The following LGSN variants were observed in gnomAD, a reference collection of about 807,000 sequenced individuals.
LGSN encodes lengsin, lens protein with glutamine synthetase domain.
LGSN carries 21 observed loss-of-function variants against 19.5 expected under a neutral mutation model. The ratio of observed to expected loss-of-function variants is 1.07; its 90% CI spans 0.76 to 1.55. The LOEUF is 1.55. Among genes scored for constraint, LGSN ranks in the 40% most tolerant of loss-of-function variants. The pLI, the probability that LGSN is intolerant of heterozygous loss-of-function variation, is 0.00. For missense variants in LGSN, 673 were observed against 608.5 expected (o/e 1.11, Z -1.12); for synonymous variants, 257 against 215.6 (o/e 1.19, Z -1.68).
chr6:63,351,971 A>C, the LGSN span, among the ~76,000 whole-genome samples: 426 of 152,292 alleles, frequency 2.8e-3, 2 homozygotes, highest in Admixed American at 5.8e-3. Flanking sequence ...CCAATGTATA[A>C]AGAAAGAATT....
At chr6:63,299,811 C>T (rs1014465671) in intron 1 of LGSN, among the ~76,000 whole-genome samples, 1 of 152,070 alleles carries the variant, frequency 6.6e-6, no homozygotes, top group African/African-American at 2.4e-5. Flanking sequence ...TCAGAATTGT[C>T]AATACTAAAT....
chr6:63,480,985 A>ATG, the LGSN span, among the ~76,000 whole-genome samples: 2 of 43,846 alleles, frequency 4.6e-5, no homozygotes, highest in Non-Finnish European at 8.0e-5. Flanking sequence ...ATATATATAT[A>ATG]TACACACACA....
chr6:63,407,658 T>C, the LGSN span, among the ~76,000 whole-genome samples: 2 of 152,134 alleles, frequency 1.3e-5, no homozygotes, highest in Non-Finnish European at 2.9e-5. Context: ...CTATTCAACA[T>C]AGTGTTGGAA....
the LGSN span, among the ~76,000 whole-genome samples, chr6:63,463,777 C>A: frequency 6.6e-6 from 1 of 151,974 alleles, no homozygotes; most frequent in Non-Finnish European, 1.5e-5. Context: ...GTGTTGAAAA[C>A]CTGAAATTTA....
the LGSN span, among the ~76,000 whole-genome samples, chr6:63,531,169 A>T: frequency 6.6e-6 from 1 of 152,186 alleles, no homozygotes; most frequent in Non-Finnish European, 1.5e-5. Flanking sequence ...GTCCATCAAG[A>T]TAACTGCAAG....
At chr6:63,352,780 C>T in the LGSN span, among the ~76,000 whole-genome samples, 1 of 151,840 alleles carries the variant, frequency 6.6e-6, no homozygotes, top group Non-Finnish European at 1.5e-5. Context: ...GAATTTTGTT[C>T]CCCTCACATT....
At chr6:63,348,663 T>C in the LGSN span, among the ~76,000 whole-genome samples, 1 of 152,050 alleles carries the variant, frequency 6.6e-6, no homozygotes, top group Non-Finnish European at 1.5e-5. Context: ...TAATCTGTGT[T>C]TGGTAGGAGT....
Position 63,280,876 on chromosome 6 carries a change from A to C in LGSN, c.675T>G (p.Ser225=). 1.2e-6 allele frequency: 2 copies of C among 1,613,992 alleles called. No homozygotes were observed. Among genetic ancestry groups the C allele is most frequent in the Non-Finnish European group, 1.7e-6 (2 of 1,180,012 alleles). ...VPEILNSKII[S]FPALTFLNNH... is the part of the protein sequence containing the mutation. ...TATTTAAAAATGTTAAAGCAGGAAA[A>C]GATATAATCTTTGAATTTAAAATTT... is the stretch of plus-strand genomic sequence containing the variant. Residue 225 remains serine (S), a synonymous_variant, in exon 4 of 4, where the codon TCT becomes TCG. Transcript: ENST00000370657.
chr6:63,399,200 G>C, the LGSN span, among the ~76,000 whole-genome samples: 2 of 152,014 alleles, frequency 1.3e-5, no homozygotes, highest in Non-Finnish European at 2.9e-5. Context: ...ATTGCCTACA[G>C]TATTCAGTAC....
At chr6:63,301,045 C>T (rs764998935) in intron 1 of LGSN, among the ~76,000 whole-genome samples, 83 of 152,166 alleles carry the variant, frequency 5.5e-4, no homozygotes, top group Non-Finnish European at 1.1e-3. Context: ...AATCCTAGCA[C>T]TTTGGGAGGC....
chr6:63,321,364 CAAAGA>C (rs1341582933), upstream of LGSN, among the ~76,000 whole-genome samples: 2 of 152,064 alleles, frequency 1.3e-5, no homozygotes, highest in Non-Finnish European at 2.9e-5. Context: ...TTTCCTATAT[CAAAGA>C]AAAGAACTCC....
At chr6:63,382,750 T>C in the LGSN span, among the ~76,000 whole-genome samples, 1,964 of 152,328 alleles carry the variant, frequency 0.013, 22 homozygotes, top group Non-Finnish European at 0.019. Context: ...CTGGACTCAA[T>C]ACTTCCCAAT....
Position 63,280,811 on chromosome 6 carries a change from A to C in LGSN, c.740T>G (p.Leu247Trp), listed in dbSNP as rs1166386174. ...QPFMQELVDGLYHTGANVESF... is the reference protein window; with the variant it reads ...QPFMQELVDGWYHTGANVESF... ...CTCGACATTGGCTCCAGTGTGATAC[A>C]AGCCATCAACAAGTTCCTGCATGAA... The change falls in exon 4 of 4, where the codon TTG (leucine) becomes TGG (tryptophan). Residue 247 changes from leucine to tryptophan, a missense_variant. Leu to Trp is a moderately conservative substitution (Grantham distance 61). Transcript: ENST00000370657. The C allele has an allele frequency of 2.5e-5, 40 of 1,613,980 alleles. No homozygotes were observed. The highest frequency in any genetic ancestry group is 1.6e-4 in the Middle Eastern group (1 of 6,084).
At chr6:63,533,248 GGC>G in the LGSN span, among the ~76,000 whole-genome samples, 1 of 152,118 alleles carries the variant, frequency 6.6e-6, no homozygotes. Flanking sequence ...CAGATGTGGT[GGC>G]GCACACCTGT....
At chr6:63,451,999 G>A in the LGSN span, among the ~76,000 whole-genome samples, 13 of 148,022 alleles carry the variant, frequency 8.8e-5, no homozygotes, top group Admixed American at 7.4e-4. Flanking sequence ...AAAATACTCT[G>A]TTAAGAATTT....
the LGSN span, among the ~76,000 whole-genome samples, chr6:63,399,644 C>T: frequency 6.6e-6 from 1 of 151,968 alleles, no homozygotes; most frequent in Admixed American, 6.6e-5. Flanking sequence ...GATCCACCCG[C>T]CTCGGCCTCC....
At chr6:63,381,846 C>G in the LGSN span, among the ~76,000 whole-genome samples, 1 of 152,186 alleles carries the variant, frequency 6.6e-6, no homozygotes, top group Non-Finnish European at 1.5e-5. Context: ...GCATAGTGCC[C>G]TCTAAGGAAA....
chr6:63,544,147 C>CA, the LGSN span, among the ~76,000 whole-genome samples: 3 of 152,260 alleles, frequency 2.0e-5, no homozygotes, highest in South Asian at 6.2e-4. Flanking sequence ...CACTGTGCCT[C>CA]AGACAGTTGT....
the LGSN span, among the ~76,000 whole-genome samples, chr6:63,526,801 A>ATG: frequency 4.8e-5 from 5 of 103,094 alleles, no homozygotes; most frequent in African/African-American, 8.1e-5. Flanking sequence ...TATCTCAAAA[A>ATG]TGTATATATA....
Sources: allele counts gnomAD v4.1 joint callset (sites outside exome capture counted in the v4.1 genomes callset), GRCh38; gene constraint gnomAD v4.1.1; transcripts MANE v1.5; gene names NCBI Gene and HGNC (gene_info 2026-07-23, HGNC 2026-07-21).